Variants in ARHGAP22 observed in about 807,000 individuals in gnomAD.
ARHGAP22 encodes rho GTPase-activating protein 22.
A neutral mutation model predicts 59.1 loss-of-function variants in ARHGAP22; 48 were observed. That is an observed-to-expected ratio of 0.81 (90% CI 0.64 to 1.03). The LOEUF (loss-of-function observed/expected upper bound fraction) is 1.03. ARHGAP22 is among the 50% of genes least tolerant of loss of function. The pLI, the probability that ARHGAP22 is intolerant of heterozygous loss-of-function variation, is 0.00. For synonymous variants in ARHGAP22, 445 were observed against 416.4 expected (o/e 1.07, Z -0.84); for missense variants, 1,015 against 958.7 (o/e 1.06, Z -0.78).
rs969109419 is a variant in ARHGAP22 at position 48,589,813 on chromosome 10, T to A, written c.35-6661A>T. ...TTCTCCAAAATAGATATGCAGCTAC[T>A]AAGGGAGCTACACACAGATCTTCCT... is the stretch of plus-strand genomic sequence containing the variant. On this transcript the variant is annotated intron_variant, in intron 1 of 9. Transcript: ENST00000249601. Among the ~76,000 whole-genome samples, 8 of 152,132 alleles carry A rather than the reference T, an allele frequency of 5.3e-5. 1 individual carries two copies.
At chr10:48,451,405 C>T in intron 8 of ARHGAP22, 1 of 706,498 alleles carries the variant, frequency 1.4e-6, no homozygotes. Flanking sequence ...CGCTCACGCC[C>T]TCCAGCTGGG....
At chr10:48,619,030 G>T (rs1341186350) in intron 1 of ARHGAP22, among the ~76,000 whole-genome samples, 3 of 151,888 alleles carry the variant, frequency 2.0e-5, no homozygotes, top group Non-Finnish European at 4.4e-5. Context: ...GCATACAAAA[G>T]CCTATAGCAT....
upstream of ARHGAP22, among the ~76,000 whole-genome samples, chr10:48,605,935 G>T (rs1210570050): frequency 6.6e-6 from 1 of 152,164 alleles, no homozygotes; most frequent in East Asian, 1.9e-4. Context: ...GCTGCTCTGT[G>T]ATGCCAGCCT....
At chr10:48,435,049 GTGGGAGGGAT>G in the ARHGAP22 span, 7 of 1,463,300 alleles carry the variant, frequency 4.8e-6, no homozygotes, top group Non-Finnish European at 6.5e-6. Context: ...CCATCGGGGG[GTGGGAGGGAT>G]GGGGAGTCGG....
At chr10:48,513,419 G>C (rs1241596809) in intron 3 of ARHGAP22, among the ~76,000 whole-genome samples, 1 of 152,218 alleles carries the variant, frequency 6.6e-6, no homozygotes, top group Non-Finnish European at 1.5e-5. Context: ...AGGAAGGGAA[G>C]ACTATGGCAG....
In ARHGAP22 at chr10:48,604,913, G is replaced by A; in HGVS notation, c.-117C>T. Reference sequence around the variant, plus strand: ...CCTGCTCGTTCGGGGCCCCGTGGCCGCTGGCGTCACCCGTCAGGCTCCCTC... The same window carrying A: ...CCTGCTCGTTCGGGGCCCCGTGGCCACTGGCGTCACCCGTCAGGCTCCCTC... On this transcript the variant is annotated 5_prime_UTR_variant, in exon 1 of 10. Transcript: ENST00000249601. 1.3e-6 allele frequency: 2 copies of A among 1,576,128 alleles called. No homozygotes were observed. The highest frequency in any genetic ancestry group is 2.3e-5 in the South Asian group (2 of 88,132).
At chr10:48,438,406 A>G in the ARHGAP22 span, 2 of 152,258 alleles carry the variant, frequency 1.3e-5, no homozygotes, top group African/African-American at 4.8e-5. Flanking sequence ...AGTTTGGGGT[A>G]CGATTAGAAA....
intron 1 of ARHGAP22, among the ~76,000 whole-genome samples, chr10:48,649,527 C>T (rs1177033268): frequency 6.6e-6 from 1 of 152,214 alleles, no homozygotes; most frequent in Non-Finnish European, 1.5e-5. Flanking sequence ...GTCTTTCTCT[C>T]CACTGTGATC....
chr10:48,487,275 C>T (rs1248743293), intron 3 of ARHGAP22, among the ~76,000 whole-genome samples: 2 of 152,042 alleles, frequency 1.3e-5, no homozygotes, highest in African/African-American at 4.8e-5. Flanking sequence ...AGTGTGGTAG[C>T]AGAATAACAG....
chr10:48,572,226 A>C (rs1388100061), intron 2 of ARHGAP22, among the ~76,000 whole-genome samples: 1 of 152,248 alleles, frequency 6.6e-6, no homozygotes, highest in African/African-American at 2.4e-5. Flanking sequence ...ACACTTAAAG[A>C]ATAAACAATG....
At chr10:48,618,399 A>C (rs1305473503) in intron 1 of ARHGAP22, among the ~76,000 whole-genome samples, 1 of 152,088 alleles carries the variant, frequency 6.6e-6, no homozygotes, top group Non-Finnish European at 1.5e-5. Flanking sequence ...AACAACAACA[A>C]AACTACAGGT....
intron 1 of ARHGAP22, among the ~76,000 whole-genome samples, chr10:48,600,133 T>C (rs1022537711): frequency 6.6e-6 from 1 of 152,204 alleles, no homozygotes; most frequent in South Asian, 2.1e-4. Flanking sequence ...AAATAGGACA[T>C]TTGCATGTAA....
intron 2 of ARHGAP22, among the ~76,000 whole-genome samples, chr10:48,559,826 A>C (rs1279142391): frequency 6.6e-6 from 1 of 152,236 alleles, no homozygotes; most frequent in African/African-American, 2.4e-5. Flanking sequence ...ATATAAAATT[A>C]TTAGTGAAAT....
intron 1 of ARHGAP22, among the ~76,000 whole-genome samples, chr10:48,598,292 C>A (rs1363462209): frequency 6.6e-6 from 1 of 152,190 alleles, no homozygotes; most frequent in Non-Finnish European, 1.5e-5. Context: ...CAAACAGCCA[C>A]CTTCATCTCC....
intron 2 of ARHGAP22, among the ~76,000 whole-genome samples, chr10:48,563,462 T>C (rs1185868949): frequency 6.6e-6 from 1 of 152,158 alleles, no homozygotes; most frequent in Non-Finnish European, 1.5e-5. Flanking sequence ...AGTGCTGGGA[T>C]TACAGGCGTG....
At chr10:48,516,056 A>C (rs1314923788) in intron 3 of ARHGAP22, among the ~76,000 whole-genome samples, 1 of 151,612 alleles carries the variant, frequency 6.6e-6, no homozygotes, top group African/African-American at 2.4e-5. Flanking sequence ...GAAAAACAAT[A>C]GGAAAAATTT....
intron 9 of ARHGAP22, among the ~76,000 whole-genome samples, chr10:48,450,057 C>T (rs1022925763): frequency 3.1e-4 from 45 of 145,158 alleles, no homozygotes; most frequent in African/African-American, 1.3e-3. Context: ...GCGCTGACTG[C>T]GTGCCAGACT....
intron 2 of ARHGAP22, among the ~76,000 whole-genome samples, chr10:48,573,466 C>T (rs996548715): frequency 1.4e-4 from 21 of 152,170 alleles, no homozygotes; most frequent in Admixed American, 4.6e-4. Flanking sequence ...ACCAGGTATT[C>T]GTGGCAGACT....
At chr10:48,525,708 A>G (rs1564819555) in intron 3 of ARHGAP22, among the ~76,000 whole-genome samples, 1 of 152,238 alleles carries the variant, frequency 6.6e-6, no homozygotes, top group Non-Finnish European at 1.5e-5. Context: ...ACACATACCC[A>G]TACTCACAAA....
Sources: gnomAD v4.1 joint callset for allele counts (sites outside exome capture counted in the v4.1 genomes callset) on GRCh38, gnomAD v4.1.1 for gene constraint, MANE v1.5 for transcripts, NCBI Gene and HGNC (gene_info 2026-07-23, HGNC 2026-07-21) for gene names.